Variants in RFT1 observed in about 807,000 individuals in gnomAD.
The protein encoded by RFT1 is man(5)GlcNAc(2)-PP-dolichol translocation protein RFT1.
Under a neutral mutation model 62.2 loss-of-function variants are expected in RFT1, and 43 were observed. The ratio of observed to expected loss-of-function variants is 0.69; its 90% CI spans 0.54 to 0.89. The LOEUF is 0.89. RFT1 is among the 40% of genes least tolerant of loss of function. RFT1 has a pLI of 0.00. For synonymous variants in RFT1, 262 were observed against 264.6 expected (o/e 0.99, Z 0.10); for missense variants, 605 against 649.9 (o/e 0.93, Z 0.75).
intron 11 of RFT1, among the ~76,000 whole-genome samples, chr3:53,099,052 G>A (rs561935616): frequency 1.6e-4 from 24 of 152,272 alleles, no homozygotes; most frequent in African/African-American, 5.5e-4. Context: ...CTTCTGGGGT[G>A]AGCAAGGAGG....
rs2107183082 is a variant in RFT1 at position 53,130,334 on chromosome 3, G to C, written c.63+4C>G. The C allele has an allele frequency of 1.3e-6, 2 of 1,567,212 alleles. No individual in the cohort carries two copies. Among genetic ancestry groups the C allele is most frequent in the Non-Finnish European group, 8.6e-7 (1 of 1,156,298 alleles). ...CAAGCTGGAACCTGAAGGGCAGAGAGTACCTGCAGGAGGAGACCGGAGGAG... is the reference window on the plus strand; with the variant it reads ...CAAGCTGGAACCTGAAGGGCAGAGACTACCTGCAGGAGGAGACCGGAGGAG... On this transcript the variant is annotated splice_donor_region_variant and intron_variant, in intron 1 of 12. Transcript: ENST00000296292.
chr3:53,099,131 G>C (rs533358535), intron 11 of RFT1, among the ~76,000 whole-genome samples: 1 of 152,230 alleles, frequency 6.6e-6, no homozygotes, highest in East Asian at 1.9e-4. Context: ...ACCTTTCAGA[G>C]CCGATGTTTC....
At chr3:53,092,673 G>A (rs1162041786) in intron 11 of RFT1, 55 bp from the exon 12 acceptor site, 1 of 1,572,132 alleles carries the variant, frequency 6.4e-7, no homozygotes, top group Non-Finnish European at 8.7e-7. Flanking sequence ...GGACAAGGCT[G>A]CTCCCAAAAC....
chr3:53,099,342 G>A (rs375846543), intron 11 of RFT1, 39 bp downstream of exon 11: 3 of 1,508,906 alleles, frequency 2.0e-6, no homozygotes, highest in Non-Finnish European at 2.8e-6. Context: ...CATTTTGGCT[G>A]AAGGCCATGA....
intron 7 of RFT1, among the ~76,000 whole-genome samples, chr3:53,107,637 T>A (rs1267413709): frequency 6.6e-6 from 1 of 150,900 alleles, no homozygotes; most frequent in Non-Finnish European, 1.5e-5. Flanking sequence ...TTAGACTGTC[T>A]TAGATTTGAA....
At chr3:53,121,369 A>AT (rs1369692457) in intron 5 of RFT1, among the ~76,000 whole-genome samples, 1 of 151,984 alleles carries the variant, frequency 6.6e-6, no homozygotes, top group Non-Finnish European at 1.5e-5. Flanking sequence ...CCCCCCACTG[A>AT]TTTTTTTCTC....
At chr3:53,099,626 G>A in intron 10 of RFT1, 140 bp from the exon 11 acceptor site, 4 of 700,672 alleles carry the variant, frequency 5.7e-6, no homozygotes, top group East Asian at 2.7e-5. Flanking sequence ...GCATGCTAGA[G>A]CCCAGGGTCT....
chr3:53,076,775 A>C, the RFT1 span, among the ~76,000 whole-genome samples: 22 of 152,192 alleles, frequency 1.4e-4, no homozygotes, highest in South Asian at 4.4e-3. Flanking sequence ...ACATAGTGTG[A>C]CCCCATCTCT....
chr3:53,073,960 GGAC>G, the RFT1 span, among the ~76,000 whole-genome samples: 2 of 152,218 alleles, frequency 1.3e-5, no homozygotes, highest in African/African-American at 4.8e-5. Flanking sequence ...AGCACTAATT[GGAC>G]GACTGGGAAA....
At chr3:53,109,641 C>T (rs1701591313) in intron 7 of RFT1, among the ~76,000 whole-genome samples, 1 of 152,048 alleles carries the variant, frequency 6.6e-6, no homozygotes. Context: ...AAGACCCTGT[C>T]TCTACAAAAA....
At chr3:53,102,386 A>G (rs902621056) in intron 10 of RFT1, among the ~76,000 whole-genome samples, 7 of 152,200 alleles carry the variant, frequency 4.6e-5, no homozygotes, top group African/African-American at 1.7e-4. Context: ...AGACAAGGGG[A>G]TAGAGAAGGA....
chr3:53,099,650 G>T (rs989060237), intron 10 of RFT1, among the ~76,000 whole-genome samples, 164 bp from the exon 11 acceptor site: 2 of 152,136 alleles, frequency 1.3e-5, no homozygotes, highest in African/African-American at 2.4e-5. Context: ...TAATCTAGAA[G>T]GATTCCCAAC....
chr3:53,071,499 G>A, the RFT1 span, among the ~76,000 whole-genome samples: 1 of 152,274 alleles, frequency 6.6e-6, no homozygotes, highest in South Asian at 2.1e-4. Context: ...TCAGCACACT[G>A]GCCCCAGGTC....
chr3:53,083,482 A>G, the RFT1 span, among the ~76,000 whole-genome samples: 13 of 145,404 alleles, frequency 8.9e-5, no homozygotes, highest in Non-Finnish European at 2.0e-4. Flanking sequence ...GCAACAGAGC[A>G]AGACCCTATC....
rs565490076 is a variant in RFT1, at chr3:53,091,661, A to G, written c.*242T>C. 1.8e-4 allele frequency: 101 copies of G among 547,016 alleles called. 1 individual carries two copies. Among genetic ancestry groups the G allele is most frequent in the Admixed American group, 9.6e-4 (31 of 32,374 alleles). 33.9% of individuals were successfully genotyped at this position (547,016 alleles called of 1,614,324 possible). On this transcript the variant is annotated 3_prime_UTR_variant, in exon 13 of 13. Transcript: ENST00000296292. ...AGAAAATGCTGATTACTATAAAATG[A>G]TAAAAAACTATTATTTTTAAAGGGC... is the stretch of plus-strand genomic sequence containing the variant.
intron 11 of RFT1, among the ~76,000 whole-genome samples, chr3:53,093,162 C>T (rs1402075120): frequency 2.0e-5 from 3 of 152,194 alleles, no homozygotes; most frequent in Non-Finnish European, 4.4e-5. Context: ...TTGGGAAATG[C>T]AGCACCCAGT....
downstream of RFT1, chr3:53,085,883 C>A (rs1700843870): frequency 6.6e-6 from 1 of 152,218 alleles, no homozygotes; most frequent in African/African-American, 2.4e-5. Flanking sequence ...ATTTATAAGT[C>A]TTCCTTCATT....
In RFT1 at chr3:53,092,039, G is replaced by T; in HGVS notation, c.1490C>A (p.Ala497Asp). 2 of 1,614,250 alleles carry T rather than the reference G, an allele frequency of 1.2e-6. No homozygotes were observed. The highest frequency in any genetic ancestry group is 1.7e-6 in the Non-Finnish European group (2 of 1,180,038). Residue 497 changes from alanine to aspartate, a missense_variant, in exon 13 of 13, where the codon GCC becomes GAC. Coordinates refer to ENST00000296292, the MANE Select transcript of RFT1 (RefSeq NM_052859.4). Reference sequence around the variant, plus strand: ...CCCCACAGCAATGTGTGCCAGTCTGGCTGGCCAGCCCTGCTCACAGCAGAG... The same window carrying T: ...CCCCACAGCAATGTGTGCCAGTCTGTCTGGCCAGCCCTGCTCACAGCAGAG... ...VFLCCEQGWP[A>D]RLAHIAVGAF...
chr3:53,122,528 C>G lies in RFT1; in HGVS notation c.302G>C (p.Gly101Ala). ...TTCAAGCAGCTGCAACCAGATCCAGCCCAGGAATAAGGACCAAAACACACC... is the reference window on the plus strand; with the variant it reads ...TTCAAGCAGCTGCAACCAGATCCAGGCCAGGAATAAGGACCAAAACACACC... ...PLGVFWSLFL[G>A]WIWLQLLEVP... The change falls in exon 4 of 13, where the codon GGC (glycine) becomes GCC (alanine). Residue 101 changes from glycine (G) to alanine (A), a missense_variant. Coordinates refer to ENST00000296292, the MANE Select transcript of RFT1 (RefSeq NM_052859.4). 1.2e-6 allele frequency: 2 copies of G among 1,613,166 alleles called. No individual in the cohort carries two copies. Among genetic ancestry groups the G allele is most frequent in the Non-Finnish European group, 1.7e-6 (2 of 1,179,610 alleles).
Sources: gnomAD v4.1 joint callset for allele counts (sites outside exome capture counted in the v4.1 genomes callset) on GRCh38, gnomAD v4.1.1 for gene constraint, MANE v1.5 for transcripts, NCBI Gene and HGNC (gene_info 2026-07-23, HGNC 2026-07-21) for gene names.